The following KMT2C variants were observed in gnomAD, a reference collection of about 807,000 sequenced individuals.
KMT2C encodes lysine methyltransferase 2C, also known as histone-lysine N-methyltransferase 2C.
Under a neutral mutation model 507.9 loss-of-function variants are expected in KMT2C, and 88 were observed. The ratio of observed to expected loss-of-function variants is 0.17; its 90% CI spans 0.15 to 0.21. KMT2C has a LOEUF of 0.21. Among genes scored for constraint, KMT2C ranks in the 10% least tolerant of loss-of-function variants. The probability of loss-of-function intolerance (pLI) is 1.00; values close to 1 mark genes in which losing one functional copy is unlikely to be tolerated. For synonymous variants in KMT2C, 2,049 were observed against 2,080.8 expected (o/e 0.98, Z 0.42); for missense variants, 4,954 against 5,957.8 (o/e 0.83, Z 5.55).
chr7:152,286,180 A>T (rs1333108911), intron 6 of KMT2C, among the ~76,000 whole-genome samples: 1 of 152,278 alleles, frequency 6.6e-6, no homozygotes, highest in South Asian at 2.1e-4. Flanking sequence ...ACAAAATATC[A>T]AATATACTAA....
At chr7:152,283,375 AAC>A (rs2096251312) in intron 6 of KMT2C, among the ~76,000 whole-genome samples, 1 of 152,182 alleles carries the variant, frequency 6.6e-6, no homozygotes, top group Non-Finnish European at 1.5e-5. Context: ...AGTAGGAGTA[AAC>A]ACAGACACAG....
intron 1 of KMT2C, among the ~76,000 whole-genome samples, chr7:152,377,734 C>CAA (rs59181675): frequency 0.013 from 842 of 62,520 alleles, 6 homozygotes; most frequent in Middle Eastern, 0.027. Flanking sequence ...GACTCCGTCT[C>CAA]AAAAAAAAAA....
At position 152,187,273 on chromosome 7, in the gene KMT2C, TC is replaced by T. The variant is rs1387399215; in HGVS notation, c.4996del (p.Glu1666LysfsTer10). 6.2e-7 allele frequency: 1 copy of T among 1,613,170 alleles called. No individual in the cohort carries two copies. Among genetic ancestry groups the T allele is most frequent in the Non-Finnish European group, 8.5e-7 (1 of 1,179,218 alleles). ...YTNINFPNLK[E>X]EFPDWTTRVK... ...TATTCATGGCTTACCAGGGAATTCT[TC>T]CTTTAAGTTGGGGAAATTAATATTG... On this transcript the variant is annotated frameshift_variant, in exon 33 of 59. Transcript: ENST00000262189. LOFTEE classifies it high-confidence loss of function.
chr7:152,302,616 G>A (rs1023354000), intron 6 of KMT2C, among the ~76,000 whole-genome samples: 4 of 152,058 alleles, frequency 2.6e-5, no homozygotes, highest in Non-Finnish European at 5.9e-5. Flanking sequence ...AGAAGAGAAA[G>A]GAGCTTCCTT....
At chr7:152,185,969 C>T (rs1348931077) in intron 33 of KMT2C, among the ~76,000 whole-genome samples, 1 of 152,198 alleles carries the variant, frequency 6.6e-6, no homozygotes, top group Non-Finnish European at 1.5e-5. Flanking sequence ...GTTTGTAAAA[C>T]ATCTGTGCTA....
chr7:152,233,937 C>T (rs992721333), intron 16 of KMT2C, among the ~76,000 whole-genome samples: 14 of 152,146 alleles, frequency 9.2e-5, no homozygotes, highest in African/African-American at 3.1e-4. Context: ...GAGTTCGAGA[C>T]CAGCCTGGCC....
intron 14 of KMT2C, among the ~76,000 whole-genome samples, chr7:152,243,635 A>G (rs2095423263): frequency 6.6e-6 from 1 of 152,128 alleles, no homozygotes; most frequent in African/African-American, 2.4e-5. Context: ...TATTTAAAAA[A>G]TTAGCCAGGT....
intron 32 of KMT2C, 79 bp downstream of exon 32, chr7:152,187,636 C>T: frequency 6.6e-7 from 1 of 1,513,304 alleles, no homozygotes; most frequent in Non-Finnish European, 9.0e-7. Flanking sequence ...CATACACAAT[C>T]ATTTAAGCAG....
At chr7:152,258,706 A>G (rs2095705437) in intron 9 of KMT2C, among the ~76,000 whole-genome samples, 1 of 151,968 alleles carries the variant, frequency 6.6e-6, no homozygotes, top group African/African-American at 2.4e-5. Context: ...TTGTATTTTT[A>G]TTACAGACAG....
chr7:152,279,722 A>G (rs1489365787), intron 6 of KMT2C, among the ~76,000 whole-genome samples: 5 of 152,164 alleles, frequency 3.3e-5, no homozygotes, highest in African/African-American at 1.2e-4. Context: ...GACATTACAA[A>G]ATCAAAATGG....
intron 20 of KMT2C, 152 bp downstream of exon 20, chr7:152,223,863 C>A: frequency 1.7e-6 from 1 of 585,414 alleles, no homozygotes; most frequent in Non-Finnish European, 3.0e-6. Flanking sequence ...CAGGAAATCG[C>A]TTCTGTAAGT....
At position 152,163,774 on chromosome 7, in the gene KMT2C, T is replaced by C; in HGVS notation, c.9803A>G (p.Lys3268Arg). The change falls in exon 43 of 59, where the codon AAA becomes AGA. Residue 3268 changes from lysine to arginine, a missense_variant. Coordinates refer to ENST00000262189, the MANE Select transcript of KMT2C (RefSeq NM_170606.3). ...GGCCATTGCACATTGCTGCTGCTGTTTGATCCGATAATCTTCAATCAATTC... is the reference window on the plus strand; with the variant it reads ...GGCCATTGCACATTGCTGCTGCTGTCTGATCCGATAATCTTCAATCAATTC... ...HAELIEDYRI[K>R]QQQQCAMAPP... 1 of 1,614,206 alleles carries C rather than the reference T, an allele frequency of 6.2e-7. No individual in the cohort carries two copies.
chr7:152,136,659 C>T lies in KMT2C; in HGVS notation c.*173G>A. On this transcript the variant is annotated 3_prime_UTR_variant, in exon 59 of 59. Transcript: ENST00000262189. Reference sequence around the variant, plus strand: ...CAGGAACGCTGCTTCTGTCAGCTTCCTCCTGGCGCTGCTTTAACCTAAAGG... The same window carrying T: ...CAGGAACGCTGCTTCTGTCAGCTTCTTCCTGGCGCTGCTTTAACCTAAAGG... 1 of 594,512 alleles carries T rather than the reference C, an allele frequency of 1.7e-6. No individual in the cohort carries two copies. The highest frequency in any genetic ancestry group is 3.0e-6 in the Non-Finnish European group (1 of 333,634). 36.8% of individuals were successfully genotyped at this position (594,512 alleles called of 1,614,324 possible).
In KMT2C at chr7:152,167,188, A is replaced by T; in HGVS notation, c.9708T>A (p.His3236Gln). 1 of 1,614,202 alleles carries T rather than the reference A, an allele frequency of 6.2e-7. No homozygotes were observed. Residue 3236 changes from histidine (H) to glutamine (Q), a missense_variant, in exon 42 of 59, where the codon CAT (histidine) becomes CAA (glutamine). His to Gln is a conservative substitution (Grantham distance 24). This residue lies in a region of KMT2C where 71 missense variants were observed against 139.2 expected (regional missense o/e 0.51). Transcript: ENST00000262189. ...GAACCATGCTTTGCTGTTCAGTAACATGCTTGAGTTGTTCTGCATCTTCCT... is the reference window on the plus strand; with the variant it reads ...GAACCATGCTTTGCTGTTCAGTAACTTGCTTGAGTTGTTCTGCATCTTCCT... ...FPEEDAEQLK[H>Q]VTEQQSMVQK...
At chr7:152,411,336 G>A (rs2982764) in intron 1 of KMT2C, among the ~76,000 whole-genome samples, 16 of 134,798 alleles carry the variant, frequency 1.2e-4, no homozygotes, top group African/African-American at 4.3e-4. Context: ...TCAGTAGGGC[G>A]GGATCCGTGG....
chr7:152,361,960 T>C (rs1421792064), intron 1 of KMT2C, among the ~76,000 whole-genome samples: 1 of 152,194 alleles, frequency 6.6e-6, no homozygotes, highest in African/African-American at 2.4e-5. Flanking sequence ...TGAGCAAGCA[T>C]TACTAGATTA....
At chr7:152,359,627 T>C (rs1200447714) in intron 1 of KMT2C, among the ~76,000 whole-genome samples, 1 of 150,014 alleles carries the variant, frequency 6.7e-6, no homozygotes, top group Non-Finnish European at 1.5e-5. Context: ...ATTCAAAAAT[T>C]AGGCAAACAT....
chr7:152,396,922 C>T (rs943573715), intron 1 of KMT2C, among the ~76,000 whole-genome samples: 4 of 152,122 alleles, frequency 2.6e-5, no homozygotes, highest in African/African-American at 9.7e-5. Context: ...TATGTCCACA[C>T]GTACAAATAC....
At chr7:152,386,616 C>T (rs1338880044) in intron 1 of KMT2C, among the ~76,000 whole-genome samples, 1 of 152,354 alleles carries the variant, frequency 6.6e-6, no homozygotes, top group African/African-American at 2.4e-5. Flanking sequence ...AATCCCTCAC[C>T]GCTTCTCACC....
Sources: gnomAD v4.1 joint callset for allele counts (sites outside exome capture counted in the v4.1 genomes callset) on GRCh38, gnomAD v4.1.1 for gene constraint, gnomAD v4.1.1 regional missense constraint, MANE v1.5 for transcripts, NCBI Gene and HGNC (gene_info 2026-07-23, HGNC 2026-07-21) for gene names.